The following UPP2 variants were observed in gnomAD, a reference collection of about 807,000 sequenced individuals.
UPP2 encodes the protein uridine phosphorylase 2.
UPP2 carries 23 observed loss-of-function variants against 26.7 expected under a neutral mutation model. The ratio of observed to expected loss-of-function variants is 0.86; its 90% CI spans 0.62 to 1.22. The LOEUF is 1.22. Among genes scored for constraint, UPP2 ranks in the 50% most tolerant of loss-of-function variants. The probability of loss-of-function intolerance (pLI) is 0.00; values close to 1 mark genes in which losing one functional copy is unlikely to be tolerated. For synonymous variants in UPP2, 127 were observed against 141.3 expected, an observed-to-expected ratio of 0.90 and a Z score of 0.72; for missense variants, 387 against 396.7, an observed-to-expected ratio of 0.98 and a Z score of 0.21.
chr2:158,055,043 A>G (rs1010625652), intron 3 of UPP2, among the ~76,000 whole-genome samples: 3 of 152,180 alleles, frequency 2.0e-5, no homozygotes, highest in African/African-American at 7.2e-5. Context: ...GTCTTAGTTC[A>G]TTTTCTGTTG....
At chr2:158,037,552 G>A (rs1055648543) in intron 3 of UPP2, among the ~76,000 whole-genome samples, 6 of 152,054 alleles carry the variant, frequency 3.9e-5, no homozygotes, top group Non-Finnish European at 5.9e-5. Context: ...TGAGGCCTCC[G>A]AGGGAGAGTC....
intron 3 of UPP2, among the ~76,000 whole-genome samples, chr2:158,078,784 T>C (rs1682672266): frequency 6.6e-6 from 1 of 152,026 alleles, no homozygotes; most frequent in Admixed American, 6.6e-5. Flanking sequence ...AAGAGTAGAA[T>C]TGGATTGTAA....
At chr2:158,075,053 G>C (rs1034366349) in intron 3 of UPP2, among the ~76,000 whole-genome samples, 2 of 151,888 alleles carry the variant, frequency 1.3e-5, no homozygotes, top group African/African-American at 4.8e-5. Flanking sequence ...ATGAAAAAAT[G>C]GTCAGTTCAG....
intron 2 of UPP2, among the ~76,000 whole-genome samples, chr2:157,998,150 G>T (rs889615224): frequency 6.6e-6 from 1 of 152,094 alleles, no homozygotes; most frequent in Non-Finnish European, 1.5e-5. Context: ...TTGGTGGATT[G>T]ACTAAAACTT....
rs568526032 is a variant in UPP2 at position 158,047,762 on chromosome 2, T to C, written c.147+31876T>C. 9.8e-5 allele frequency among the ~76,000 whole-genome samples: 15 copies of C among 152,366 alleles called. No homozygotes were observed. The South Asian group carries it at 1.0e-3, about 11-fold the overall frequency. Reference sequence around the variant, plus strand: ...ATCATCCTTTATCCTATTGCCACAGTGGCTCATTCATTCATTAATTTTCTT... The same window carrying C: ...ATCATCCTTTATCCTATTGCCACAGCGGCTCATTCATTCATTAATTTTCTT... On this transcript the variant is annotated intron_variant, in intron 3 of 9. Coordinates refer to the UPP2 transcript ENST00000605860.
rs1683906498 is a variant in UPP2 at position 158,135,103 on chromosome 2, T to C, written c.*213T>C. 2.0e-6 allele frequency: 1 copy of C among 510,168 alleles called. No individual in the cohort carries two copies. Among genetic ancestry groups the C allele is most frequent in the Non-Finnish European group, 3.1e-6 (1 of 321,766 alleles). The allele number at this position is 510,168 out of a possible 1,614,324, so 31.6% of individuals were successfully genotyped here. A position where few individuals can be genotyped will look rare whatever the true frequency, so the allele number is the denominator to read the frequency against. On this transcript the variant is annotated 3_prime_UTR_variant, in exon 7 of 7. Transcript: ENST00000005756. Reference sequence around the variant, plus strand: ...AAATTTCATTTTAGAATAAGTTAACTAAATCAGTCTAATAATTAAAATTTT... The same window carrying C: ...AAATTTCATTTTAGAATAAGTTAACCAAATCAGTCTAATAATTAAAATTTT...
At chr2:158,013,699 T>C (rs1683614803) in intron 2 of UPP2, among the ~76,000 whole-genome samples, 1 of 152,144 alleles carries the variant, frequency 6.6e-6, no homozygotes, top group South Asian at 2.1e-4. Context: ...TAAATAGTTA[T>C]TTTTCCTGAG....
chr2:158,130,411 A>T (rs1393263446), intron 6 of UPP2, among the ~76,000 whole-genome samples: 3 of 149,814 alleles, frequency 2.0e-5, no homozygotes, highest in Non-Finnish European at 4.4e-5. Flanking sequence ...AGATTGCACC[A>T]CTGCACTCCA....
chr2:158,056,938 G>A (rs1199989995), intron 3 of UPP2, among the ~76,000 whole-genome samples: 4 of 152,160 alleles, frequency 2.6e-5, no homozygotes, highest in Non-Finnish European at 4.4e-5. Flanking sequence ...TTGCTTGGCT[G>A]TGGCAGTTTT....
intron 3 of UPP2, among the ~76,000 whole-genome samples, chr2:158,090,697 C>T (rs1682898423): frequency 6.6e-6 from 1 of 152,306 alleles, no homozygotes; most frequent in South Asian, 2.1e-4. Flanking sequence ...GGACAACTTT[C>T]CTAACAGACA....
intron 3 of UPP2, among the ~76,000 whole-genome samples, chr2:158,088,069 A>C (rs766914808): frequency 1.3e-5 from 2 of 152,162 alleles, no homozygotes; most frequent in East Asian, 3.8e-4. Flanking sequence ...TTATTCTCTC[A>C]AATATGTTTT....
chr2:158,086,626 A>C (rs1682822354), intron 3 of UPP2, among the ~76,000 whole-genome samples: 2 of 152,094 alleles, frequency 1.3e-5, no homozygotes, highest in East Asian at 1.9e-4. Flanking sequence ...GTAGATATTT[A>C]AGGCTATGAA....
At chr2:158,086,408 A>T (rs1682815635) in intron 3 of UPP2, among the ~76,000 whole-genome samples, 1 of 151,708 alleles carries the variant, frequency 6.6e-6, no homozygotes, top group Admixed American at 6.6e-5. Context: ...CTCACTAGTG[A>T]TCTATCAATT....
At chr2:158,124,935 A>C (rs1553471126) in intron 6 of UPP2, among the ~76,000 whole-genome samples, 1 of 152,170 alleles carries the variant, frequency 6.6e-6, no homozygotes, top group Non-Finnish European at 1.5e-5. Context: ...TGCACTGGAG[A>C]CATAAAATTC....
intron 3 of UPP2, among the ~76,000 whole-genome samples, chr2:158,038,338 T>C (rs10195028): frequency 0.017 from 2,527 of 152,310 alleles, 68 homozygotes; most frequent in African/African-American, 0.057. Flanking sequence ...AAAAGTGTTG[T>C]GTCTTTAGAA....
intron 2 of UPP2, among the ~76,000 whole-genome samples, chr2:157,997,346 T>C (rs1021749283): frequency 1.3e-5 from 2 of 152,202 alleles, no homozygotes; most frequent in African/African-American, 4.8e-5. Flanking sequence ...TAATATACCA[T>C]TGAACATCTG....
chr2:158,016,206 A>T (rs7566548), intron 3 of UPP2, among the ~76,000 whole-genome samples: 4,514 of 151,590 alleles, frequency 0.03, 220 homozygotes, highest in African/African-American at 0.1. Flanking sequence ...AAATTGTCCC[A>T]TTTCATTAAG....
chr2:158,122,599 G>A (rs1683594349), intron 5 of UPP2, among the ~76,000 whole-genome samples: 1 of 152,112 alleles, frequency 6.6e-6, no homozygotes, highest in South Asian at 2.1e-4. Context: ...GTTTCCTTTG[G>A]CCTGCACAGT....
chr2:158,048,974 T>C (rs1260602136), intron 3 of UPP2, among the ~76,000 whole-genome samples: 4 of 152,186 alleles, frequency 2.6e-5, no homozygotes, highest in Non-Finnish European at 5.9e-5. Flanking sequence ...CTCTCCTTTC[T>C]CCACTATGGC....
Sources: allele counts gnomAD v4.1 joint callset (sites outside exome capture counted in the v4.1 genomes callset), GRCh38; gene constraint gnomAD v4.1.1; transcripts MANE v1.5; gene names NCBI Gene and HGNC (gene_info 2026-07-23, HGNC 2026-07-21).